The following NOPCHAP1 variants were observed in gnomAD, a reference collection of about 807,000 sequenced individuals.
The protein encoded by NOPCHAP1 is NOP protein chaperone 1, also known as DNA damage-sensitive RNA 1.
Under a neutral mutation model 14.0 loss-of-function variants are expected in NOPCHAP1, and 13 were observed. The observed-to-expected ratio is 0.93, with a 90% CI of 0.60 to 1.47. The LOEUF is 1.47. NOPCHAP1 is among the 40% of genes most tolerant of loss of function. The pLI is 0.00. For missense variants in NOPCHAP1, 230 were observed against 226.9 expected (o/e 1.01, Z -0.09); for synonymous variants, 78 against 78.4 (o/e 1.00, Z 0.03).
chr12:105,011,274 T>G lies in NOPCHAP1; in HGVS notation c.*16578T>G, dbSNP rs754371071. 2.6e-5 allele frequency: 4 copies of G among 152,216 alleles called. No homozygotes were observed. The highest frequency in any genetic ancestry group is 5.9e-5 in the Non-Finnish European group (4 of 68,030). The allele number at this position is 152,216 out of a possible 1,614,324, so 9.4% of individuals were successfully genotyped here. On this transcript the variant is annotated 3_prime_UTR_variant, in exon 4 of 4. Transcript: ENST00000552951. ...TTGATCTTTGTTGGTTTAAAGTCTG[T>G]TTTATCGGAGACCAGGATTGCAACC...
In NOPCHAP1 at chr12:105,006,594, C is replaced by T. The variant is rs1873714405; in HGVS notation, c.*11898C>T. On this transcript the variant is annotated 3_prime_UTR_variant, in exon 4 of 4. Transcript: ENST00000552951. ...TTGTCCAAGCCTTTTTGTTGTAAAC[C>T]AGAAGACTGGCAACTCGTATTTATC... is the stretch of plus-strand genomic sequence containing the variant. 1 of 152,180 alleles carries T rather than the reference C, an allele frequency of 6.6e-6. No individual in the cohort carries two copies. 9.4% of individuals were successfully genotyped at this position (152,180 alleles called of 1,614,324 possible). A position where few individuals can be genotyped will look rare whatever the true frequency, so the allele number is the denominator to read the frequency against.
chr12:104,994,773 T>G lies in NOPCHAP1; in HGVS notation c.*77T>G. The G allele has an allele frequency of 1.5e-6, 2 of 1,356,546 alleles. No homozygotes were observed. Among genetic ancestry groups the G allele is most frequent in the Non-Finnish European group, 1.0e-6 (1 of 973,506 alleles). The allele number at this position is 1,356,546 out of a possible 1,614,324, so 84.0% of individuals were successfully genotyped here. Reference sequence around the variant, plus strand: ...GAAAAAGAATGTGATTCACGGGTTCTTTTGCTTTTCAGGCACCTATGGTGC... The same window carrying G: ...GAAAAAGAATGTGATTCACGGGTTCGTTTGCTTTTCAGGCACCTATGGTGC... On this transcript the variant is annotated 3_prime_UTR_variant, in exon 4 of 4. Coordinates refer to ENST00000552951, the MANE Select transcript of NOPCHAP1 (RefSeq NM_152318.3).
rs1873589181 is a variant in NOPCHAP1, at chr12:105,000,572, A to T, written c.*5876A>T. The T allele has an allele frequency of 6.6e-6, 1 of 152,142 alleles. No homozygotes were observed. Among genetic ancestry groups the T allele is most frequent in the African/African-American group, 2.4e-5 (1 of 41,436 alleles). The allele number at this position is 152,142 out of a possible 1,614,324, so 9.4% of individuals were successfully genotyped here. A position where few individuals can be genotyped will look rare whatever the true frequency, so the allele number is the denominator to read the frequency against. ...CATAGTTATCATGATGACAGAGAAG[A>T]GAACTCTTGATCCATGATCAAATTC... On this transcript the variant is annotated 3_prime_UTR_variant, in exon 4 of 4. Coordinates refer to ENST00000552951, the MANE Select transcript of NOPCHAP1 (RefSeq NM_152318.3).
intron 1 of NOPCHAP1, among the ~76,000 whole-genome samples, chr12:104,987,787 C>T (rs1386174443): frequency 6.6e-6 from 1 of 152,116 alleles, no homozygotes; most frequent in African/African-American, 2.4e-5. Flanking sequence ...GGTAAGTTGC[C>T]CAGTGTTACA....
intron 3 of NOPCHAP1, among the ~76,000 whole-genome samples, chr12:104,992,201 A>G (rs190698848): frequency 9.3e-4 from 141 of 152,324 alleles, no homozygotes; most frequent in African/African-American, 3.2e-3. Context: ...TACATAAGCT[A>G]TGTGCAAAAA....
Position 105,001,430 on chromosome 12 carries a change from C to T in NOPCHAP1, c.*6734C>T, listed in dbSNP as rs1346599602. On this transcript the variant is annotated 3_prime_UTR_variant, in exon 4 of 4. Transcript: ENST00000552951. Reference sequence around the variant, plus strand: ...TTCCAGGATTATGAGCTTGATAAACCAAACATTAGTTATAAGCCATTTTAG... The same window carrying T: ...TTCCAGGATTATGAGCTTGATAAACTAAACATTAGTTATAAGCCATTTTAG... The T allele has an allele frequency of 6.6e-6, 1 of 152,128 alleles. No homozygotes were observed. Among genetic ancestry groups the T allele is most frequent in the Non-Finnish European group, 1.5e-5 (1 of 68,034 alleles). The allele number at this position is 152,128 out of a possible 1,614,324, so 9.4% of individuals were successfully genotyped here.
At chr12:104,993,720 A>G (rs529394617) in intron 3 of NOPCHAP1, among the ~76,000 whole-genome samples, 26 of 152,358 alleles carry the variant, frequency 1.7e-4, no homozygotes, top group Admixed American at 6.5e-4. Flanking sequence ...TTAAAAATAG[A>G]AAAAACATTC....
In NOPCHAP1 at chr12:104,999,582, G is replaced by C. The variant is rs899367301; in HGVS notation, c.*4886G>C. 2 of 152,330 alleles carry C rather than the reference G, an allele frequency of 1.3e-5. No homozygotes were observed. Among genetic ancestry groups the C allele is most frequent in the African/African-American group, 4.8e-5 (2 of 41,440 alleles). The allele number at this position is 152,330 out of a possible 1,614,324, so 9.4% of individuals were successfully genotyped here. ...TCTAGGGTTGAAGTCTCTTAGGGGA[G>C]CAAGGTGAGTCATGGGTGATGGGCG... On this transcript the variant is annotated 3_prime_UTR_variant, in exon 4 of 4. Transcript: ENST00000552951.
In NOPCHAP1 at chr12:104,994,713, A is replaced by C; in HGVS notation, c.*17A>C. 1 of 1,584,566 alleles carries C rather than the reference A, an allele frequency of 6.3e-7. No homozygotes were observed. Among genetic ancestry groups the C allele is most frequent in the Non-Finnish European group, 8.6e-7 (1 of 1,158,770 alleles). The stretch of plus-strand genomic sequence containing the variant: ...AAGAAATAGTCAAATAAATTATCTG[A>C]AAAGAAACAGGTGACATATGTCTGC... On this transcript the variant is annotated 3_prime_UTR_variant, in exon 4 of 4. Coordinates refer to ENST00000552951, the MANE Select transcript of NOPCHAP1 (RefSeq NM_152318.3).
Position 105,007,397 on chromosome 12 carries a change from AT to A in NOPCHAP1, c.*12703del, listed in dbSNP as rs1873728587. 6.6e-6 allele frequency: 1 copy of A among 152,052 alleles called. No individual in the cohort carries two copies. The highest frequency in any genetic ancestry group is 1.5e-5 in the Non-Finnish European group (1 of 68,024). The allele number at this position is 152,052 out of a possible 1,614,324, so 9.4% of individuals were successfully genotyped here. On this transcript the variant is annotated 3_prime_UTR_variant, in exon 4 of 4. Transcript: ENST00000552951. ...CTCAGTCTATGGTACACATCAAGCA[AT>A]TCATATTTTTCTTGTAATGTCATGA...
At chr12:104,988,767 T>A (rs143222705) in intron 2 of NOPCHAP1, among the ~76,000 whole-genome samples, 174 of 152,104 alleles carry the variant, frequency 1.1e-3, no homozygotes, top group African/African-American at 3.8e-3. Flanking sequence ...AGGCAAAAAT[T>A]CAATAAAAAC....
Position 105,008,956 on chromosome 12 carries a change from G to C in NOPCHAP1, c.*14260G>C, listed in dbSNP as rs1256766953. 6.6e-6 allele frequency: 1 copy of C among 152,060 alleles called. No homozygotes were observed. Among genetic ancestry groups the C allele is most frequent in the Non-Finnish European group, 1.5e-5 (1 of 68,022 alleles). 9.4% of individuals were successfully genotyped at this position (152,060 alleles called of 1,614,324 possible). A position where few individuals can be genotyped will look rare whatever the true frequency, so the allele number is the denominator to read the frequency against. On this transcript the variant is annotated 3_prime_UTR_variant, in exon 4 of 4. Transcript: ENST00000552951. ...TGTTCTTTTTGCTTAGGATTGTCTT[G>C]GCTATATGGGCTCTTTTTGGGTTTC...
At chr12:104,991,896 A>C (rs754365512) in intron 3 of NOPCHAP1, 48 bp downstream of exon 3, 1 of 1,541,520 alleles carries the variant, frequency 6.5e-7, no homozygotes, top group Non-Finnish European at 8.7e-7. Flanking sequence ...TCTGCCTGTC[A>C]CCTAAGAAGA....
rs1395331159 is a variant in NOPCHAP1 at position 105,015,744 on chromosome 12, T to C, written c.*21048T>C. On this transcript the variant is annotated 3_prime_UTR_variant, in exon 4 of 4. Coordinates refer to ENST00000552951, the MANE Select transcript of NOPCHAP1 (RefSeq NM_152318.3). ...TCTGTTCTATCAAATGTTTCAGGCA[T>C]CCTCTGGGGGGTCTTGGAATGTATC... 6.6e-6 allele frequency: 1 copy of C among 152,198 alleles called. No individual in the cohort carries two copies. The highest frequency in any genetic ancestry group is 1.5e-5 in the Non-Finnish European group (1 of 68,034). The allele number at this position is 152,198 out of a possible 1,614,324, so 9.4% of individuals were successfully genotyped here.
In NOPCHAP1 at chr12:105,005,210, G is replaced by T. The variant is rs749569646; in HGVS notation, c.*10514G>T. 4 of 152,202 alleles carry T rather than the reference G, an allele frequency of 2.6e-5. No homozygotes were observed. Among genetic ancestry groups the T allele is most frequent in the Non-Finnish European group, 4.4e-5 (3 of 68,036 alleles). 9.4% of individuals were successfully genotyped at this position (152,202 alleles called of 1,614,324 possible). ...TCTTGACTCTGAGTTGTTTGACAAAGAATTGGATAAAACGTGCAAATCAAT... is the reference window on the plus strand; with the variant it reads ...TCTTGACTCTGAGTTGTTTGACAAATAATTGGATAAAACGTGCAAATCAAT... On this transcript the variant is annotated 3_prime_UTR_variant, in exon 4 of 4. Coordinates refer to ENST00000552951, the MANE Select transcript of NOPCHAP1 (RefSeq NM_152318.3).
At position 105,002,244 on chromosome 12, in the gene NOPCHAP1, G is replaced by C. The variant is rs1170411348; in HGVS notation, c.*7548G>C. ...TCTTTGTGGTTATTGTAATTAGAGA[G>C]ACATGAGCTTTTCGACCTTTAGTCT... On this transcript the variant is annotated 3_prime_UTR_variant, in exon 4 of 4. Coordinates refer to ENST00000552951, the MANE Select transcript of NOPCHAP1 (RefSeq NM_152318.3). 2 of 152,158 alleles carry C rather than the reference G, an allele frequency of 1.3e-5. No individual in the cohort carries two copies. Among genetic ancestry groups the C allele is most frequent in the African/African-American group, 4.8e-5 (2 of 41,434 alleles). 9.4% of individuals were successfully genotyped at this position (152,158 alleles called of 1,614,324 possible).
rs552289272 is a variant in NOPCHAP1, at chr12:104,997,029, T to G, written c.*2333T>G. 35 of 152,332 alleles carry G rather than the reference T, an allele frequency of 2.3e-4. 1 individual carries two copies. Among genetic ancestry groups the G allele is most frequent in the East Asian group, 2.1e-3 (11 of 5,194 alleles). 9.4% of individuals were successfully genotyped at this position (152,332 alleles called of 1,614,324 possible). A position where few individuals can be genotyped will look rare whatever the true frequency, so the allele number is the denominator to read the frequency against. On this transcript the variant is annotated 3_prime_UTR_variant, in exon 4 of 4. Transcript: ENST00000552951. ...AGATAGCATACCATTGGATTTTGCT[T>G]CTTTATCCAAGTTGCCACACTGTTT...
In NOPCHAP1 at chr12:105,008,023, G is replaced by C. The variant is rs1873741412; in HGVS notation, c.*13327G>C. 6.6e-6 allele frequency: 1 copy of C among 152,172 alleles called. No individual in the cohort carries two copies. The highest frequency in any genetic ancestry group is 2.4e-5 in the African/African-American group (1 of 41,408). The allele number at this position is 152,172 out of a possible 1,614,324, so 9.4% of individuals were successfully genotyped here. ...TCCTTTGGATATATACCCAGTAATG[G>C]GATTGCTGGGTTAAATGGTATTTCT... is the stretch of plus-strand genomic sequence containing the variant. On this transcript the variant is annotated 3_prime_UTR_variant, in exon 4 of 4. Coordinates refer to ENST00000552951, the MANE Select transcript of NOPCHAP1 (RefSeq NM_152318.3).
Position 104,995,048 on chromosome 12 carries a change from G to T in NOPCHAP1, c.*352G>T. The stretch of plus-strand genomic sequence containing the variant: ...GGCTGCCTGATGTCCCATAGGTATG[G>T]TCTGATCTAAGGAGATCTAAGGCTG... On this transcript the variant is annotated 3_prime_UTR_variant, in exon 4 of 4. Transcript: ENST00000552951. 1 of 302,312 alleles carries T rather than the reference G, an allele frequency of 3.3e-6. No individual in the cohort carries two copies. The highest frequency in any genetic ancestry group is 3.0e-5 in the South Asian group (1 of 33,062). 18.7% of individuals were successfully genotyped at this position (302,312 alleles called of 1,614,324 possible). A position where few individuals can be genotyped will look rare whatever the true frequency, so the allele number is the denominator to read the frequency against.
Sources: gnomAD v4.1 joint callset for allele counts (sites outside exome capture counted in the v4.1 genomes callset) on GRCh38, gnomAD v4.1.1 for gene constraint, MANE v1.5 for transcripts, NCBI Gene and HGNC (gene_info 2026-07-23, HGNC 2026-07-21) for gene names.